NSD3: variants seen among roughly 807,000 people sequenced by gnomAD.
The protein encoded by NSD3 is nuclear receptor binding SET domain protein 3.
NSD3 carries 24 observed loss-of-function variants against 160.8 expected under a neutral mutation model. The observed-to-expected ratio is 0.15, with a 90% confidence interval of 0.11 to 0.21. The LOEUF (loss-of-function observed/expected upper bound fraction) is 0.21, where lower values mean the gene tolerates loss of function less well. Ranked by LOEUF, NSD3 falls within the 10% of genes least tolerant of loss-of-function variation. NSD3 has a pLI of 1.00. For synonymous variants in NSD3, 520 were observed against 600.0 expected (o/e 0.87, Z 1.95); for missense variants, 1,157 against 1,735.9 (o/e 0.67, Z 5.93).
intron 1 of NSD3, among the ~76,000 whole-genome samples, chr8:38,361,432 T>C (rs2150390410): frequency 6.6e-6 from 1 of 151,888 alleles, no homozygotes; most frequent in Admixed American, 6.5e-5. Flanking sequence ...CAGAAATAAA[T>C]TATGTTTGAT....
intron 2 of NSD3, among the ~76,000 whole-genome samples, chr8:38,345,871 T>C (rs1337161320): frequency 6.6e-6 from 1 of 152,082 alleles, no homozygotes; most frequent in East Asian, 1.9e-4. Flanking sequence ...ATTGCACCAC[T>C]GCACTCCAGC....
chr8:38,370,506 T>C (rs2150394962), intron 1 of NSD3, among the ~76,000 whole-genome samples: 1 of 152,258 alleles, frequency 6.6e-6, no homozygotes, highest in African/African-American at 2.4e-5. Context: ...TGTCAGGTTT[T>C]CTTAAAATGG....
chr8:38,357,029 G>C (rs1397968160), intron 1 of NSD3, among the ~76,000 whole-genome samples: 1 of 137,146 alleles, frequency 7.3e-6, no homozygotes, highest in African/African-American at 2.8e-5. Flanking sequence ...TGAGGCAGGA[G>C]AATTGCTTGA....
chr8:38,276,504 G>C lies in NSD3; in HGVS notation c.3868-4C>G, dbSNP rs1421798172. 1 of 1,614,060 alleles carries C rather than the reference G, an allele frequency of 6.2e-7. No individual in the cohort carries two copies. Among genetic ancestry groups the C allele is most frequent in the African/African-American group, 1.3e-5 (1 of 75,030 alleles). ...CATTTGTTGACGCACATGCCGACTG[G>C]CAGGAAAGAAAGGATCATAGTTTCA... On this transcript the variant is annotated splice_polypyrimidine_tract_variant and splice_region_variant and intron_variant, in intron 22 of 23. Coordinates refer to ENST00000317025, the MANE Select transcript of NSD3 (RefSeq NM_023034.2).
At chr8:38,369,334 A>T (rs1052788020) in intron 1 of NSD3, among the ~76,000 whole-genome samples, 11 of 152,190 alleles carry the variant, frequency 7.2e-5, no homozygotes, top group African/African-American at 2.2e-4. Flanking sequence ...GAGTTGTAAT[A>T]AAACAGTGGA....
intron 19 of NSD3, among the ~76,000 whole-genome samples, chr8:38,286,007 T>A (rs1176754176): frequency 6.6e-6 from 1 of 152,170 alleles, no homozygotes; most frequent in Non-Finnish European, 1.5e-5. Context: ...GCAGACAGAC[T>A]CTCAAGGTGG....
chr8:38,300,642 C>G (rs1809255840), intron 14 of NSD3, among the ~76,000 whole-genome samples: 1 of 152,156 alleles, frequency 6.6e-6, no homozygotes, highest in African/African-American at 2.4e-5. Context: ...CTAAAGCTAC[C>G]TGTGGTTCCC....
In NSD3 at chr8:38,382,204, C is replaced by CCCTCGG. The variant is rs1811603049; in HGVS notation, c.-456_-451dup. On this transcript the variant is annotated 5_prime_UTR_variant, in exon 1 of 24. Transcript: ENST00000317025. This position sits in a 1 kb window ranked among gnomAD's most constrained non-coding sequence, Gnocchi z 4.2. The stretch of plus-strand genomic sequence containing the variant: ...TCTCCGCGGCGACCTGTGCACAGCC[C>CCCTCGG]CCTCGGCCTCCGCCTCCGTGCTGGC... The CCCTCGG allele has an allele frequency of 6.2e-6, 1 of 162,542 alleles. No individual in the cohort carries two copies. The highest frequency in any genetic ancestry group is 1.6e-4 in the South Asian group (1 of 6,080). The allele number at this position is 162,542 out of a possible 1,614,324, so 10.1% of individuals were successfully genotyped here.
Position 38,288,847 on chromosome 8 carries a change from T to G in NSD3, c.3232-91A>C. 1 of 1,484,966 alleles carries G rather than the reference T, an allele frequency of 6.7e-7. No homozygotes were observed. The highest frequency in any genetic ancestry group is 9.1e-7 in the Non-Finnish European group (1 of 1,093,030). The allele number at this position is 1,484,966 out of a possible 1,614,324, so 92.0% of individuals were successfully genotyped here. A position where few individuals can be genotyped will look rare whatever the true frequency, so the allele number is the denominator to read the frequency against. ...CATCTAAAACATCCACGCTACTGCC[T>G]CGTGGTGCTACTCCGAGAAAGGTTG... is the stretch of plus-strand genomic sequence containing the variant. On this transcript the variant is annotated intron_variant, in intron 18 of 23. Transcript: ENST00000317025. The surrounding 1 kb of genome is among the most constrained non-coding windows in gnomAD (Gnocchi z 4.5).
rs78081300 is a variant in NSD3 at position 38,272,709 on chromosome 8, T to C, written c.*2932A>G. 6.6e-6 allele frequency: 1 copy of C among 152,252 alleles called. No homozygotes were observed. The highest frequency in any genetic ancestry group is 1.5e-5 in the Non-Finnish European group (1 of 68,046). The allele number at this position is 152,252 out of a possible 1,614,324, so 9.4% of individuals were successfully genotyped here. On this transcript the variant is annotated 3_prime_UTR_variant, in exon 24 of 24. Coordinates refer to ENST00000317025, the MANE Select transcript of NSD3 (RefSeq NM_023034.2). The stretch of plus-strand genomic sequence containing the variant: ...GCCCATGCTGCTTTAAGTTATTTCA[T>C]TGTTGGACAAGAATAAAAACCAGCC...
chr8:38,314,715 A>G lies in NSD3; in HGVS notation c.2174T>C (p.Phe725Ser), dbSNP rs763771550. ...TGCCAATCCCAGGCACTCCAGGTGAAAGTGTTTGCAGCACTCTCCCTCACA... is the reference window on the plus strand; with the variant it reads ...TGCCAATCCCAGGCACTCCAGGTGAGAGTGTTTGCAGCACTCTCCCTCACA... ...IPCEGECCKH[F>S]HLECLGLASL... The change falls in exon 12 of 24, where the codon TTT (phenylalanine) becomes TCT (serine). Residue 725 changes from phenylalanine (F) to serine (S), a missense_variant. Phe to Ser is a radical substitution (Grantham distance 155). This residue lies in a region of NSD3 where 437 missense variants were observed against 576.6 expected (regional missense o/e 0.76). Transcript: ENST00000317025. 6.2e-7 allele frequency: 1 copy of G among 1,614,240 alleles called. No individual in the cohort carries two copies. Among genetic ancestry groups the G allele is most frequent in the Non-Finnish European group, 8.5e-7 (1 of 1,180,038 alleles).
chr8:38,362,474 T>C (rs1811000475), intron 1 of NSD3, among the ~76,000 whole-genome samples: 1 of 152,164 alleles, frequency 6.6e-6, no homozygotes, highest in East Asian at 1.9e-4. Context: ...CAATTATTTT[T>C]AAACTTTTTA....
Position 38,290,721 on chromosome 8 carries a change from CA to C in NSD3, c.2916-45del, listed in dbSNP as rs769589391. The C allele has an allele frequency of 6.3e-6, 10 of 1,588,288 alleles. No individual in the cohort carries two copies. The African/African-American group carries it at 9.5e-5, about 15-fold the overall frequency. On this transcript the variant is annotated intron_variant, in intron 16 of 23. Transcript: ENST00000317025. ...TTAGATCAAGAGGGCAAAAACGAAA[CA>C]AAAAACCACTATTTACAAGATTGGC... is the stretch of plus-strand genomic sequence containing the variant.
intron 14 of NSD3, chr8:38,299,866 T>C (rs1409985720): frequency 7.2e-6 from 2 of 276,392 alleles, no homozygotes; most frequent in Non-Finnish European, 1.3e-5. Flanking sequence ...CTTGACATCA[T>C]ACAGAAAACC....
chr8:38,334,115 T>G (rs1810144935), intron 4 of NSD3, among the ~76,000 whole-genome samples: 1 of 152,212 alleles, frequency 6.6e-6, no homozygotes, highest in Non-Finnish European at 1.5e-5. Context: ...TAGGCTGTGT[T>G]TTTTTGGTTT....
At chr8:38,359,608 T>C (rs1810909475) in intron 1 of NSD3, among the ~76,000 whole-genome samples, 1 of 152,226 alleles carries the variant, frequency 6.6e-6, no homozygotes, top group South Asian at 2.1e-4. Context: ...TGTTTGTCTT[T>C]TATTCACTGA....
At chr8:38,283,727 C>T (rs912269916) in intron 19 of NSD3, among the ~76,000 whole-genome samples, 2 of 152,122 alleles carry the variant, frequency 1.3e-5, no homozygotes, top group Non-Finnish European at 2.9e-5. Flanking sequence ...GCTTCAGCTG[C>T]GGAGCAGTCA....
Position 38,362,840 on chromosome 8 carries a change from C to T in NSD3, c.-44-14625G>A, listed in dbSNP as rs530188987. On this transcript the variant is annotated intron_variant, in intron 1 of 23. Coordinates refer to ENST00000317025, the MANE Select transcript of NSD3 (RefSeq NM_023034.2). ...AAGAGAAACTGTCACAACATCATCA[C>T]TGTAGAACATAACACATGATGAGAA... Among the ~76,000 whole-genome samples, 109 of 152,326 alleles carry T rather than the reference C, an allele frequency of 7.2e-4. 1 individual carries two copies. Among genetic ancestry groups the T allele is most frequent in the Middle Eastern group, 3.4e-3 (1 of 294 alleles).
chr8:38,272,530 C>G lies in NSD3; in HGVS notation c.*3111G>C, dbSNP rs975994966. 8 of 152,432 alleles carry G rather than the reference C, an allele frequency of 5.2e-5. No individual in the cohort carries two copies. The East Asian group carries it at 1.5e-3, about 29-fold the overall frequency. The allele number at this position is 152,432 out of a possible 1,614,324, so 9.4% of individuals were successfully genotyped here. The stretch of plus-strand genomic sequence containing the variant: ...TCGCAGCAGTGGCGGTCCAGCCCCT[C>G]CCTCCCCTGCACAGTGCCTGAGAAA... On this transcript the variant is annotated 3_prime_UTR_variant, in exon 24 of 24. Coordinates refer to ENST00000317025, the MANE Select transcript of NSD3 (RefSeq NM_023034.2).
Sources: allele counts gnomAD v4.1 joint callset (sites outside exome capture counted in the v4.1 genomes callset), GRCh38; gene constraint gnomAD v4.1.1; regional missense constraint gnomAD v4.1.1; non-coding constraint Gnocchi (gnomAD v3.1); transcripts MANE v1.5; gene names NCBI Gene and HGNC (gene_info 2026-07-23, HGNC 2026-07-21).